POLD3: variants seen among roughly 807,000 people sequenced by gnomAD.
The protein encoded by POLD3 is DNA polymerase delta subunit 3.
In POLD3, 19 loss-of-function variants were observed where a neutral mutation model predicts 58.2. That is an observed-to-expected ratio of 0.33 (90% CI 0.23 to 0.48). POLD3 has a LOEUF of 0.48. Among genes scored for constraint, POLD3 ranks in the 20% least tolerant of loss-of-function variants. The pLI is 0.99. For synonymous variants in POLD3, 172 were observed against 193.5 expected (o/e 0.89, Z 0.92); for missense variants, 504 against 545.5 (o/e 0.92, Z 0.76).
At chr11:74,625,906 T>TGTGTGTGTGTGTGTG (rs1565123222) in intron 8 of POLD3, among the ~76,000 whole-genome samples, 1 of 151,516 alleles carries the variant, frequency 6.6e-6, no homozygotes, top group Admixed American at 6.6e-5. Flanking sequence ...TGTGTGTGTG[T>TGTGTGTGTGTGTGTG]TTCACTTCAA....
Position 74,612,920 on chromosome 11 carries a change from A to G in POLD3, c.302A>G (p.Tyr101Cys). 1 of 1,613,556 alleles carries G rather than the reference A, an allele frequency of 6.2e-7. No individual in the cohort carries two copies. The highest frequency in any genetic ancestry group is 8.5e-7 in the Non-Finnish European group (1 of 1,179,500). Residue 101 changes from tyrosine (Y) to cysteine (C), a missense_variant, in exon 5 of 12, where the codon TAC becomes TGC. This residue lies in a region of POLD3 where 119 missense variants were observed against 175.0 expected (regional missense o/e 0.68). Coordinates refer to ENST00000263681, the MANE Select transcript of POLD3 (RefSeq NM_006591.3). ...GCTGTGACTGCCAGCATCCATGTGT[A>G]CAGCATCCAGAAAGCCATGCTAAAG... ...KLAVTASIHV[Y>C]SIQKAMLKDS...
rs147822372 is a variant in POLD3, at chr11:74,636,045, G to C, written c.1120-152G>C. ...TGGGCGTAACTTGTCTGTGTGATGG[G>C]GTTGGTTCTCTAAAACTAATGTAGA... is the stretch of plus-strand genomic sequence containing the variant. On this transcript the variant is annotated intron_variant, in intron 10 of 11. Transcript: ENST00000263681. 86 of 680,826 alleles carry C rather than the reference G, an allele frequency of 1.3e-4. No individual in the cohort carries two copies. In the East Asian group the frequency reaches 2.3e-3, roughly 18 times the overall value. The allele number at this position is 680,826 out of a possible 1,614,324, so 42.2% of individuals were successfully genotyped here. A position where few individuals can be genotyped will look rare whatever the true frequency, so the allele number is the denominator to read the frequency against.
chr11:74,595,287 C>G (rs2135109586), intron 2 of POLD3: 1 of 151,750 alleles, frequency 6.6e-6, no homozygotes, highest in East Asian at 1.9e-4. Context: ...ATCACCACAC[C>G]TGGCAAAAAC....
At chr11:74,603,716 T>G (rs370754303) in intron 2 of POLD3, among the ~76,000 whole-genome samples, 16 of 151,998 alleles carry the variant, frequency 1.1e-4, no homozygotes, top group African/African-American at 3.6e-4. Context: ...GGGGCATGGT[T>G]TTATGGAAGC....
intron 4 of POLD3, among the ~76,000 whole-genome samples, chr11:74,659,545 A>G (rs550369877): frequency 2.6e-5 from 4 of 152,326 alleles, no homozygotes; most frequent in Middle Eastern, 3.4e-3. Flanking sequence ...TTTCGCTTTT[A>G]AAACTGAATG....
rs765122533 is a variant in POLD3, at chr11:74,640,627, C to T, written c.1262C>T (p.Thr421Ile). 14 of 1,607,516 alleles carry T rather than the reference C, an allele frequency of 8.7e-6. No homozygotes were observed. The highest frequency in any genetic ancestry group is 1.1e-5 in the Non-Finnish European group (13 of 1,177,334). ...AGTGAAGAGGAGCTTAACATGAAGA[C>T]ATCCTCAGTACACAGACCCCCTGCC... is the stretch of plus-strand genomic sequence containing the variant. ...TDSEEELNMK[T>I]SSVHRPPAMT... The change falls in exon 12 of 12, where the codon ACA (threonine) becomes ATA (isoleucine). Residue 421 changes from threonine to isoleucine, a missense_variant. Coordinates refer to ENST00000263681, the MANE Select transcript of POLD3 (RefSeq NM_006591.3).
intron 2 of POLD3, among the ~76,000 whole-genome samples, chr11:74,598,033 A>G (rs1227911637): frequency 6.6e-6 from 1 of 152,168 alleles, no homozygotes; most frequent in African/African-American, 2.4e-5. Flanking sequence ...GTGAGCTATG[A>G]TCACACCTGG....
chr11:74,618,458 G>GTTTT, intron 5 of POLD3, 79 bp from the exon 6 acceptor site: 1 of 920,264 alleles, frequency 1.1e-6, no homozygotes, highest in Non-Finnish European at 1.6e-6. Context: ...ACTGACATTA[G>GTTTT]TTTTTTTTTT....
chr11:74,641,589 C>T lies in POLD3; in HGVS notation c.*823C>T. 2.0e-6 allele frequency: 2 copies of T among 985,434 alleles called. No individual in the cohort carries two copies. The highest frequency in any genetic ancestry group is 2.4e-6 in the Non-Finnish European group (2 of 829,950). The allele number at this position is 985,434 out of a possible 1,614,324, so 61.0% of individuals were successfully genotyped here. Reference sequence around the variant, plus strand: ...CTGCTCTTTGCGGTTTGTTGATCCCCTCCTCCCCCACTCTCAATACCTAGA... The same window carrying T: ...CTGCTCTTTGCGGTTTGTTGATCCCTTCCTCCCCCACTCTCAATACCTAGA... On this transcript the variant is annotated 3_prime_UTR_variant, in exon 12 of 12. Transcript: ENST00000263681.
intron 3 of POLD3, among the ~76,000 whole-genome samples, chr11:74,609,533 G>A (rs772952416): frequency 5.3e-5 from 8 of 150,270 alleles, no homozygotes; most frequent in Non-Finnish European, 1.0e-4. Flanking sequence ...GGCGTCCACC[G>A]CCACGCCCTG....
At chr11:74,646,460 A>G (rs1029656717), downstream of POLD3, among the ~76,000 whole-genome samples, 9 of 152,210 alleles carry the variant, frequency 5.9e-5, no homozygotes, top group African/African-American at 2.2e-4. Flanking sequence ...TACCATACTT[A>G]ACTAAATTAC....
chr11:74,627,528 A>G (rs544037835), intron 8 of POLD3, among the ~76,000 whole-genome samples: 2 of 152,304 alleles, frequency 1.3e-5, no homozygotes, highest in South Asian at 4.1e-4. Context: ...AGTCTACAGT[A>G]GTGTACAGTA....
downstream of POLD3, among the ~76,000 whole-genome samples, chr11:74,643,609 C>T (rs559579629): frequency 1.9e-3 from 284 of 152,304 alleles, 1 homozygote; most frequent in African/African-American, 6.5e-3. Flanking sequence ...ATGGAAATGA[C>T]TTTCCAGGCA....
At chr11:74,639,311 G>A (rs1368051780) in intron 11 of POLD3, among the ~76,000 whole-genome samples, 1 of 152,082 alleles carries the variant, frequency 6.6e-6, no homozygotes, top group African/African-American at 2.4e-5. Context: ...TAGGTATTGG[G>A]ACACACATAC....
At chr11:74,612,266 C>A (rs2031939912) in intron 4 of POLD3, among the ~76,000 whole-genome samples, 1 of 151,900 alleles carries the variant, frequency 6.6e-6, no homozygotes, top group African/African-American at 2.4e-5. Flanking sequence ...TTTCTGAATT[C>A]CCACAGTGTT....
intron 4 of POLD3, among the ~76,000 whole-genome samples, chr11:74,666,631 G>A (rs1406978366): frequency 2.0e-5 from 3 of 152,098 alleles, no homozygotes; most frequent in Non-Finnish European, 4.4e-5. Flanking sequence ...AGACTTAGTA[G>A]TATTCTTAAG....
At chr11:74,616,711 G>A (rs1007940737) in intron 5 of POLD3, among the ~76,000 whole-genome samples, 1 of 152,124 alleles carries the variant, frequency 6.6e-6, no homozygotes, top group Non-Finnish European at 1.5e-5. Flanking sequence ...GAAGATTTTT[G>A]GAGCTTTTGA....
chr11:74,642,638 T>TA lies in POLD3; in HGVS notation c.*1874dup, dbSNP rs1226902345. On this transcript the variant is annotated 3_prime_UTR_variant, in exon 12 of 12. Transcript: ENST00000263681. ...ACTCTGAGCTGTCTGCAAGGCTTAG[T>TA]AAGTATTGAGTGGTGTTTTTTTTTT... is the stretch of plus-strand genomic sequence containing the variant. 1.0e-6 allele frequency: 1 copy of TA among 983,718 alleles called. No homozygotes were observed. Among genetic ancestry groups the TA allele is most frequent in the Non-Finnish European group, 1.2e-6 (1 of 828,736 alleles). The allele number at this position is 983,718 out of a possible 1,614,324, so 60.9% of individuals were successfully genotyped here.
chr11:74,595,807 G>T lies in POLD3; in HGVS notation c.116+1691G>T, dbSNP rs552392253. On this transcript the variant is annotated intron_variant, in intron 2 of 11. Coordinates refer to ENST00000263681, the MANE Select transcript of POLD3 (RefSeq NM_006591.3). The stretch of plus-strand genomic sequence containing the variant: ...TAATTTTTAAATTTTTTGTAGAGAT[G>T]GAGTCCCGCCATGTTTCCCATGCTG... Among the ~76,000 whole-genome samples, 557 of 152,234 alleles carry T rather than the reference G, an allele frequency of 3.7e-3. 6 individuals carry two copies. Among genetic ancestry groups the T allele is most frequent in the Non-Finnish European group, 4.5e-3 (309 of 68,010 alleles).
Sources: allele counts gnomAD v4.1 joint callset (sites outside exome capture counted in the v4.1 genomes callset), GRCh38; gene constraint gnomAD v4.1.1; regional missense constraint gnomAD v4.1.1; transcripts MANE v1.5; gene names NCBI Gene and HGNC (gene_info 2026-07-23, HGNC 2026-07-21).